The following ULK4 variants were observed in gnomAD, a reference collection of about 807,000 sequenced individuals.
The protein encoded by ULK4 is inactive serine/threonine-protein kinase ULK4.
In ULK4, 133 loss-of-function variants were observed where a neutral mutation model predicts 160.6. The observed-to-expected ratio is 0.83, with a 90% CI of 0.72 to 0.96. The LOEUF (loss-of-function observed/expected upper bound fraction) is 0.96, where lower values mean the gene tolerates loss of function less well. Among genes scored for constraint, ULK4 ranks in the 40% least tolerant of loss-of-function variants. The probability of loss-of-function intolerance (pLI) is 0.00; values close to 1 mark genes in which losing one functional copy is unlikely to be tolerated. For synonymous variants in ULK4, 534 were observed against 539.8 expected, an observed-to-expected ratio of 0.99 and a Z score of 0.15; for missense variants, 1,580 against 1,499.5, an observed-to-expected ratio of 1.05 and a Z score of -0.89.
intron 35 of ULK4, among the ~76,000 whole-genome samples, chr3:41,298,095 C>T (rs1326345879): frequency 1.3e-5 from 2 of 152,178 alleles, no homozygotes; most frequent in Admixed American, 1.3e-4. Flanking sequence ...AAACCAGACA[C>T]CCAAATAATA....
intron 17 of ULK4, among the ~76,000 whole-genome samples, chr3:41,879,934 T>C (rs1359661758): frequency 3.3e-5 from 5 of 152,068 alleles, no homozygotes; most frequent in South Asian, 2.1e-4. Flanking sequence ...CTGGCCAACA[T>C]GGTGAAACCC....
At chr3:41,503,984 C>T (rs1372945490) in intron 32 of ULK4, among the ~76,000 whole-genome samples, 3 of 152,046 alleles carry the variant, frequency 2.0e-5, no homozygotes, top group East Asian at 3.8e-4. Context: ...TCAAAATATA[C>T]AAAAACAAAG....
intron 7 of ULK4, 42 bp from the exon 8 acceptor site, chr3:41,916,094 AATACATATCAATTT>A (rs1398039022): frequency 1.8e-5 from 23 of 1,265,928 alleles, no homozygotes; most frequent in Non-Finnish European, 2.6e-5. Context: ...ATAAGTAGTA[AATACATATCAATTT>A]TATTTTTATC....
chr3:41,594,590 G>C (rs1425498741), intron 31 of ULK4, among the ~76,000 whole-genome samples: 2 of 152,162 alleles, frequency 1.3e-5, no homozygotes, highest in Non-Finnish European at 2.9e-5. Flanking sequence ...GAAGAATACA[G>C]GTGAAGGGGT....
chr3:41,458,443 A>C (rs1225681962), intron 33 of ULK4, among the ~76,000 whole-genome samples: 2 of 152,176 alleles, frequency 1.3e-5, no homozygotes, highest in Admixed American at 1.3e-4. Flanking sequence ...TGGAGATATA[A>C]GACAGGAACT....
At chr3:41,764,331 T>A (rs1017084145) in intron 21 of ULK4, among the ~76,000 whole-genome samples, 10 of 152,236 alleles carry the variant, frequency 6.6e-5, no homozygotes, top group South Asian at 6.2e-4. Context: ...TTTTTCTTTT[T>A]GGGATGCCTA....
chr3:41,957,975 C>G (rs1030067624), intron 1 of ULK4, among the ~76,000 whole-genome samples: 6 of 150,012 alleles, frequency 4.0e-5, no homozygotes. Flanking sequence ...ACCCGGGAGG[C>G]AGAGGTTGCA....
intron 35 of ULK4, among the ~76,000 whole-genome samples, chr3:41,396,323 A>C (rs950536767): frequency 5.2e-5 from 6 of 115,260 alleles, no homozygotes; most frequent in African/African-American, 2.7e-4. Context: ...AAAGATCTGA[A>C]ATTTCTAAGT....
intron 32 of ULK4, among the ~76,000 whole-genome samples, chr3:41,465,949 G>A (rs756868468): frequency 6.6e-6 from 1 of 152,144 alleles, no homozygotes. Flanking sequence ...GGTGTGAAGT[G>A]GGAAGGGTAG....
intron 35 of ULK4, among the ~76,000 whole-genome samples, chr3:41,390,571 T>C (rs1466769464): frequency 1.3e-5 from 2 of 152,234 alleles, no homozygotes; most frequent in East Asian, 1.9e-4. Flanking sequence ...GTTGTGTCTT[T>C]GTTCTCGTTG....
chr3:41,787,606 T>C (rs1035883420), intron 21 of ULK4, among the ~76,000 whole-genome samples: 5 of 152,206 alleles, frequency 3.3e-5, no homozygotes, highest in African/African-American at 7.2e-5. Flanking sequence ...TTTATGTGTA[T>C]AGACTTTCAG....
chr3:41,607,848 T>G (rs2032458521), intron 31 of ULK4, among the ~76,000 whole-genome samples: 1 of 152,194 alleles, frequency 6.6e-6, no homozygotes, highest in South Asian at 2.1e-4. Flanking sequence ...ACTCTACCAC[T>G]GCTGCTATGG....
chr3:41,642,237 G>C (rs111551964), intron 30 of ULK4, among the ~76,000 whole-genome samples: 1 of 151,746 alleles, frequency 6.6e-6, no homozygotes, highest in African/African-American at 2.4e-5. Flanking sequence ...TGTGCACAAC[G>C]TGCAGGTTTG....
chr3:41,734,189 G>A (rs2037940172), intron 22 of ULK4, among the ~76,000 whole-genome samples: 1 of 152,158 alleles, frequency 6.6e-6, no homozygotes, highest in South Asian at 2.1e-4. Flanking sequence ...AGTCTAGACG[G>A]AAAGTAGGTA....
In ULK4 at chr3:41,353,186, G is replaced by A. The variant is rs533841842; in HGVS notation, c.3678+44893C>T. On this transcript the variant is annotated intron_variant, in intron 35 of 36. Transcript: ENST00000301831. ...GTTGCTCCTGGGTCTCCCCATCTTAGAACCCTCTCTGGAATTCAGATTTCT... is the reference window on the plus strand; with the variant it reads ...GTTGCTCCTGGGTCTCCCCATCTTAAAACCCTCTCTGGAATTCAGATTTCT... 4.6e-5 allele frequency among the ~76,000 whole-genome samples: 7 copies of A among 152,282 alleles called. No homozygotes were observed. The South Asian group carries it at 1.5e-3, about 32-fold the overall frequency.
At chr3:41,902,238 T>G (rs1698397760) in intron 12 of ULK4, among the ~76,000 whole-genome samples, 1 of 152,016 alleles carries the variant, frequency 6.6e-6, no homozygotes, top group South Asian at 2.1e-4. Flanking sequence ...GCTAAGAAAG[T>G]TCCTGGAAAC....
intron 22 of ULK4, among the ~76,000 whole-genome samples, chr3:41,738,259 A>G (rs1180764146): frequency 6.6e-6 from 1 of 151,972 alleles, no homozygotes; most frequent in Non-Finnish European, 1.5e-5. Context: ...TGCAGCTGCA[A>G]TTTAAGATGT....
chr3:41,377,765 C>A (rs1378292806), intron 35 of ULK4, among the ~76,000 whole-genome samples: 1 of 148,352 alleles, frequency 6.7e-6, no homozygotes, highest in Non-Finnish European at 1.5e-5. Context: ...AACACTTTTA[C>A]ACTGTTGGTG....
rs564254319 is a variant in ULK4, at chr3:41,681,740, T to C, written c.2833+13A>G. 1 of 1,614,066 alleles carries C rather than the reference T, an allele frequency of 6.2e-7. No homozygotes were observed. The highest frequency in any genetic ancestry group is 8.5e-7 in the Non-Finnish European group (1 of 1,179,948). On this transcript the variant is annotated intron_variant, in intron 28 of 36. Transcript: ENST00000301831. ...GTAACTGATGCAATTCTTGCTGGTG[T>C]CATCACACTTACCATTTTGGCTTTG...
Sources: gnomAD v4.1 joint callset for allele counts (sites outside exome capture counted in the v4.1 genomes callset) on GRCh38, gnomAD v4.1.1 for gene constraint, MANE v1.5 for transcripts, NCBI Gene and HGNC (gene_info 2026-07-23, HGNC 2026-07-21) for gene names.